TRIM14: variants seen among roughly 807,000 people sequenced by gnomAD.
TRIM14 encodes the protein tripartite motif-containing protein 14.
TRIM14 carries 28 observed loss-of-function variants against 44.5 expected under a neutral mutation model. That is an observed-to-expected ratio of 0.63 (90% CI 0.47 to 0.86). The LOEUF is 0.86. Among genes scored for constraint, TRIM14 ranks in the 40% least tolerant of loss-of-function variants. The probability of loss-of-function intolerance (pLI) is 0.00; values close to 1 mark genes in which losing one functional copy is unlikely to be tolerated. For missense variants in TRIM14, 607 were observed against 611.1 expected (o/e 0.99, Z 0.07); for synonymous variants, 299 against 269.2 (o/e 1.11, Z -1.08).
intron 2 of TRIM14, among the ~76,000 whole-genome samples, chr9:98,107,134 A>G (rs1038932165): frequency 2.0e-5 from 3 of 152,206 alleles, no homozygotes; most frequent in Non-Finnish European, 4.4e-5. Context: ...AACTTGTGAC[A>G]ATACCAAATG....
At chr9:98,039,991 G>A in the TRIM14 span, among the ~76,000 whole-genome samples, 16 of 152,134 alleles carry the variant, frequency 1.1e-4, no homozygotes, top group Non-Finnish European at 7.4e-5. Flanking sequence ...CCACAGGCAC[G>A]CGCCACCATG....
At chr9:98,065,244 A>T (rs1298556009), downstream of TRIM14, among the ~76,000 whole-genome samples, 1 of 151,372 alleles carries the variant, frequency 6.6e-6, no homozygotes, top group Non-Finnish European at 1.5e-5. Context: ...TTCAACAGAG[A>T]ATTACAATGT....
exon 7 of TRIM14, chr9:98,069,655 GAACAT>G (rs1829253523): frequency 6.6e-6 from 1 of 152,284 alleles, no homozygotes; most frequent in African/African-American, 2.4e-5. Context: ...ATGCAGAAGG[GAACAT>G]ACTGTACGAT....
chr9:98,111,848 G>A (rs925542308), intron 1 of TRIM14, among the ~76,000 whole-genome samples: 1 of 152,124 alleles, frequency 6.6e-6, no homozygotes, highest in East Asian at 1.9e-4. Context: ...TGAGGCAGGA[G>A]AATCACTTGA....
At chr9:98,073,106 CCT>C (rs1829416831) in intron 6 of TRIM14, among the ~76,000 whole-genome samples, 1 of 152,050 alleles carries the variant, frequency 6.6e-6, no homozygotes, top group Non-Finnish European at 1.5e-5. Flanking sequence ...GACATGCTCT[CCT>C]CACACACAGT....
chr9:98,070,440 T>A (rs1478196455), intron 6 of TRIM14, among the ~76,000 whole-genome samples: 2 of 151,814 alleles, frequency 1.3e-5, no homozygotes, highest in Non-Finnish European at 2.9e-5. Flanking sequence ...TTTTATTTTA[T>A]TTATTTATTT....
intron 4 of TRIM14, 86 bp downstream of exon 4, chr9:98,094,781 T>A: frequency 6.9e-7 from 1 of 1,459,522 alleles, no homozygotes; most frequent in South Asian, 1.3e-5. Context: ...AGAGACAGGA[T>A]GTAGGGAGAT....
At chr9:98,049,071 GTGGCTCA>G in the TRIM14 span, among the ~76,000 whole-genome samples, 1 of 151,754 alleles carries the variant, frequency 6.6e-6, no homozygotes, top group African/African-American at 2.4e-5. Flanking sequence ...GCCGGGAGCG[GTGGCTCA>G]TGCCTGTAAT....
the TRIM14 span, among the ~76,000 whole-genome samples, chr9:98,058,356 A>G: frequency 1.3e-5 from 2 of 152,314 alleles, no homozygotes; most frequent in East Asian, 3.9e-4. Flanking sequence ...GCACCATCTC[A>G]TTTAATTTTT....
chr9:98,048,220 A>G, the TRIM14 span, among the ~76,000 whole-genome samples: 8 of 152,158 alleles, frequency 5.3e-5, no homozygotes, highest in African/African-American at 1.9e-4. Flanking sequence ...TGTCTTGTTC[A>G]TAGCATTTCT....
Position 98,095,133 on chromosome 9 carries a change from C to T in TRIM14, c.538-104G>A, listed in dbSNP as rs971302878. ...AAACCCACACCAGCATGCCCAGGCT[C>T]CACGTTGGCCTGGCACCTATGGTCA... On this transcript the variant is annotated intron_variant, in intron 3 of 5. Transcript: ENST00000341469. The surrounding 1 kb of genome is among the most constrained non-coding windows in gnomAD (Gnocchi z 4.1). 1.4e-6 allele frequency: 2 copies of T among 1,417,964 alleles called. No homozygotes were observed. The highest frequency in any genetic ancestry group is 2.4e-5 in the East Asian group (1 of 41,432). The allele number at this position is 1,417,964 out of a possible 1,614,324, so 87.8% of individuals were successfully genotyped here.
chr9:98,101,932 C>T (rs528813408), intron 2 of TRIM14, among the ~76,000 whole-genome samples: 57 of 148,186 alleles, frequency 3.8e-4, no homozygotes, highest in African/African-American at 1.1e-3. Context: ...CACTTGAGCC[C>T]GGGAGGTGGA....
intron 5 of TRIM14, 141 bp downstream of exon 5, chr9:98,091,768 T>A (rs1346643856): frequency 2.6e-5 from 12 of 466,354 alleles, no homozygotes; most frequent in African/African-American, 4.7e-5. Context: ...AAACATTTTT[T>A]AAAAAACAAG....
intron 4 of TRIM14, among the ~76,000 whole-genome samples, chr9:98,094,176 A>G (rs918019393): frequency 6.6e-6 from 1 of 152,254 alleles, no homozygotes; most frequent in African/African-American, 2.4e-5. Flanking sequence ...TATGCCTGGC[A>G]TATAAGAGGG....
At chr9:98,040,955 A>AT in the TRIM14 span, among the ~76,000 whole-genome samples, 1 of 151,834 alleles carries the variant, frequency 6.6e-6, no homozygotes, top group African/African-American at 2.4e-5. Context: ...GTGCCCAGTG[A>AT]TTTTTTTATT....
At chr9:98,083,583 G>C (rs1829986687), downstream of TRIM14, among the ~76,000 whole-genome samples, 1 of 152,240 alleles carries the variant, frequency 6.6e-6, no homozygotes, top group Admixed American at 6.5e-5. Flanking sequence ...AGAGCAAAGA[G>C]AGGGAAATGG....
intron 2 of TRIM14, among the ~76,000 whole-genome samples, chr9:98,101,659 G>T (rs55972150): frequency 0.34 from 51,302 of 151,910 alleles, 10,516 homozygotes; most frequent in African/African-American, 0.58. Context: ...GACCTCAGGT[G>T]ATCTGCCTGC....
the TRIM14 span, among the ~76,000 whole-genome samples, chr9:98,063,240 TTTG>T: frequency 6.6e-6 from 1 of 150,534 alleles, no homozygotes; most frequent in South Asian, 2.1e-4. Flanking sequence ...AGTTTTATTT[TTTG>T]TTGTTGTTTG....
intron 3 of TRIM14, among the ~76,000 whole-genome samples, chr9:98,098,605 G>A (rs564180228): frequency 1.1e-4 from 17 of 152,106 alleles, no homozygotes; most frequent in African/African-American, 3.6e-4. Context: ...CCAGCTACTC[G>A]GGAGGCTGAG....
Sources: allele counts gnomAD v4.1 joint callset (sites outside exome capture counted in the v4.1 genomes callset), GRCh38; gene constraint gnomAD v4.1.1; non-coding constraint Gnocchi (gnomAD v3.1); transcripts MANE v1.5; gene names NCBI Gene and HGNC (gene_info 2026-07-23, HGNC 2026-07-21).